Variants in SYNJ2BP observed in about 807,000 individuals in gnomAD.
SYNJ2BP encodes synaptojanin-2-binding protein.
A neutral mutation model predicts 16.9 loss-of-function variants in SYNJ2BP; 10 were observed. That is an observed-to-expected ratio of 0.59 (90% CI 0.36 to 1.00). The LOEUF is 1.00. Among genes scored for constraint, SYNJ2BP ranks in the 50% least tolerant of loss-of-function variants. The pLI, the probability that SYNJ2BP is intolerant of heterozygous loss-of-function variation, is 0.01. For missense variants in SYNJ2BP, 162 were observed against 186.7 expected, an observed-to-expected ratio of 0.87 and a Z score of 0.77; for synonymous variants, 54 against 68.4, an observed-to-expected ratio of 0.79 and a Z score of 1.04.
intron 2 of SYNJ2BP, among the ~76,000 whole-genome samples, chr14:70,379,669 A>C (rs1309176804): frequency 6.6e-6 from 1 of 152,260 alleles, no homozygotes; most frequent in Non-Finnish European, 1.5e-5. Context: ...CAGGATTTCT[A>C]TAACTATCAC....
At chr14:70,415,046 G>A (rs906284670) in intron 1 of SYNJ2BP, among the ~76,000 whole-genome samples, 2 of 152,054 alleles carry the variant, frequency 1.3e-5, no homozygotes, top group Non-Finnish European at 2.9e-5. Flanking sequence ...AATCCATTAA[G>A]ATTAGTGATA....
At chr14:70,375,019 G>C (rs1288936116) in intron 3 of SYNJ2BP, among the ~76,000 whole-genome samples, 2 of 151,766 alleles carry the variant, frequency 1.3e-5, no homozygotes, top group Non-Finnish European at 2.9e-5. Flanking sequence ...CCGGGCTCAA[G>C]CAATCATACC....
At chr14:70,377,830 T>TA (rs1887665831) in intron 2 of SYNJ2BP, among the ~76,000 whole-genome samples, 1 of 152,240 alleles carries the variant, frequency 6.6e-6, no homozygotes, top group African/African-American at 2.4e-5. Context: ...AACTATTTCT[T>TA]GGAACGCATT....
chr14:70,378,940 G>C (rs940404038), intron 2 of SYNJ2BP, among the ~76,000 whole-genome samples: 4 of 152,114 alleles, frequency 2.6e-5, no homozygotes, highest in Admixed American at 2.6e-4. Context: ...AAGAAAATAC[G>C]TAATTGACTA....
chr14:70,393,771 G>C (rs1888028503), intron 1 of SYNJ2BP, among the ~76,000 whole-genome samples: 1 of 151,864 alleles, frequency 6.6e-6, no homozygotes, highest in Admixed American at 6.6e-5. Flanking sequence ...CATGGACACA[G>C]GGAGGGGAAC....
At chr14:70,380,668 A>AAG (rs1346499600) in intron 2 of SYNJ2BP, among the ~76,000 whole-genome samples, 6 of 151,742 alleles carry the variant, frequency 4.0e-5, no homozygotes, top group Admixed American at 2.0e-4. Flanking sequence ...TCTCAAAAAA[A>AAG]AAAAAAAGTT....
chr14:70,374,935 T>A (rs2332367), intron 3 of SYNJ2BP, among the ~76,000 whole-genome samples: 131,658 of 151,224 alleles, frequency 0.87, 57,378 homozygotes, highest in East Asian at 0.93. Context: ...ACTCTTAAAA[T>A]TTTTTATTTA....
Position 70,372,831 on chromosome 14 carries a change from G to C in SYNJ2BP, c.*160C>G. ...AAACAATACCTTTACTTTCCCATTA[G>C]AATATGAAGAATTGGAGACTGTGAA... On this transcript the variant is annotated 3_prime_UTR_variant, in exon 4 of 4. Transcript: ENST00000256366. 1 of 1,052,578 alleles carries C rather than the reference G, an allele frequency of 9.5e-7. No individual in the cohort carries two copies. 65.2% of individuals were successfully genotyped at this position (1,052,578 alleles called of 1,614,324 possible).
At chr14:70,416,420 T>C (rs907651960) in intron 1 of SYNJ2BP, among the ~76,000 whole-genome samples, 3 of 151,860 alleles carry the variant, frequency 2.0e-5, no homozygotes, top group African/African-American at 7.3e-5. Context: ...GCTTTAACAT[T>C]CTAGTTGACA....
At position 70,366,998 on chromosome 14, in the gene SYNJ2BP, A is replaced by C. The variant is rs1464621092; in HGVS notation, c.*5993T>G. 1 of 152,236 alleles carries C rather than the reference A, an allele frequency of 6.6e-6. No individual in the cohort carries two copies. Among genetic ancestry groups the C allele is most frequent in the African/African-American group, 2.4e-5 (1 of 41,460 alleles). The allele number at this position is 152,236 out of a possible 1,614,324, so 9.4% of individuals were successfully genotyped here. On this transcript the variant is annotated 3_prime_UTR_variant, in exon 4 of 4. Transcript: ENST00000256366. ...ACCCTTTTCCTGGGATTAGTAACTAAATTTAATGATTACAGCAAATATAAA... is the reference window on the plus strand; with the variant it reads ...ACCCTTTTCCTGGGATTAGTAACTACATTTAATGATTACAGCAAATATAAA...
chr14:70,401,209 G>C (rs183712556), intron 1 of SYNJ2BP, among the ~76,000 whole-genome samples: 145 of 152,292 alleles, frequency 9.5e-4, no homozygotes, highest in East Asian at 4.4e-3. Flanking sequence ...CGTACAAACT[G>C]AATGAGAGAC....
chr14:70,389,639 T>C (rs529279464), intron 1 of SYNJ2BP, among the ~76,000 whole-genome samples: 1 of 152,330 alleles, frequency 6.6e-6, no homozygotes, highest in Non-Finnish European at 1.5e-5. Context: ...ATATCCCTAA[T>C]CCAAAAATCT....
Position 70,369,073 on chromosome 14 carries a change from ACTT to A in SYNJ2BP, c.*3915_*3917del, listed in dbSNP as rs1887458726. On this transcript the variant is annotated 3_prime_UTR_variant, in exon 4 of 4. Transcript: ENST00000256366. Reference sequence around the variant, plus strand: ...GAGTTTTTGATTCACTAGGTCTGGAACTTCTTTTTTCTCTTCTGGGAACTTGCT... The same window carrying A: ...GAGTTTTTGATTCACTAGGTCTGGAACTTTTTTCTCTTCTGGGAACTTGCT... 6.6e-6 allele frequency: 1 copy of A among 152,140 alleles called. No individual in the cohort carries two copies. The highest frequency in any genetic ancestry group is 1.5e-5 in the Non-Finnish European group (1 of 68,042). The allele number at this position is 152,140 out of a possible 1,614,324, so 9.4% of individuals were successfully genotyped here.
At chr14:70,399,663 T>C (rs926369573) in intron 1 of SYNJ2BP, among the ~76,000 whole-genome samples, 9 of 151,462 alleles carry the variant, frequency 5.9e-5, no homozygotes, top group African/African-American at 2.2e-4. Context: ...CTGCCATGAA[T>C]TCCCCCTCTG....
intron 3 of SYNJ2BP, among the ~76,000 whole-genome samples, chr14:70,375,205 C>CT (rs201793770): frequency 0.22 from 26,455 of 121,092 alleles, 3,494 homozygotes; most frequent in East Asian, 0.62. Context: ...CTCTTTTTTT[C>CT]TTTTTTTTTT....
chr14:70,406,574 G>A (rs1011802068), intron 1 of SYNJ2BP, among the ~76,000 whole-genome samples: 3 of 152,136 alleles, frequency 2.0e-5, no homozygotes, highest in South Asian at 2.1e-4. Flanking sequence ...GAACTTCCCC[G>A]AATTGCTCCA....
intron 1 of SYNJ2BP, among the ~76,000 whole-genome samples, chr14:70,396,354 T>C (rs1173294458): frequency 6.6e-6 from 1 of 152,138 alleles, no homozygotes; most frequent in Non-Finnish European, 1.5e-5. Context: ...CCTGACCTCA[T>C]GATCTGCCCG....
rs8021610 is a variant in SYNJ2BP, at chr14:70,385,280, T to G, written c.201+3190A>C. Among the ~76,000 whole-genome samples, 343 of 152,170 alleles carry G rather than the reference T, an allele frequency of 2.3e-3. 3 individuals are homozygous for G. Among genetic ancestry groups the G allele is most frequent in the African/African-American group, 7.4e-3 (306 of 41,536 alleles). On this transcript the variant is annotated intron_variant, in intron 2 of 3. Coordinates refer to ENST00000256366, the MANE Select transcript of SYNJ2BP (RefSeq NM_018373.3). ...TTGTATCTAATAATCTTCTTTACAT[T>G]GAGGTTTATTTCCTTATTTCTGATT...
At position 70,417,034 on chromosome 14, in the gene SYNJ2BP, G is replaced by C. The variant is rs180817918; in HGVS notation, c.-71C>G. On this transcript the variant is annotated 5_prime_UTR_variant, in exon 1 of 4. Transcript: ENST00000256366. ...GCACAGGTGAAGGTGAATCAATCTC[G>C]GCGCTGCGCCCACAGCACAGCGGTT... is the stretch of plus-strand genomic sequence containing the variant. 8.2e-5 allele frequency: 132 copies of C among 1,610,978 alleles called. No homozygotes were observed. Among genetic ancestry groups the C allele is most frequent in the Non-Finnish European group, 8.8e-5 (104 of 1,178,422 alleles).
Sources: gnomAD v4.1 joint callset for allele counts (sites outside exome capture counted in the v4.1 genomes callset) on GRCh38, gnomAD v4.1.1 for gene constraint, MANE v1.5 for transcripts, NCBI Gene and HGNC (gene_info 2026-07-23, HGNC 2026-07-21) for gene names.